The following BAZ2A variants were observed in gnomAD, a reference collection of about 807,000 sequenced individuals.
BAZ2A encodes the protein bromodomain adjacent to zinc finger domain 2A, also known as bromodomain adjacent to zinc finger domain protein 2A.
BAZ2A carries 34 observed loss-of-function variants against 199.9 expected under a neutral mutation model. The ratio of observed to expected loss-of-function variants is 0.17; its 90% CI spans 0.13 to 0.23. The LOEUF is 0.23. Among genes scored for constraint, BAZ2A ranks in the 10% least tolerant of loss-of-function variants. The pLI is 1.00. For synonymous variants in BAZ2A, 857 were observed against 883.9 expected (o/e 0.97, Z 0.54); for missense variants, 2,002 against 2,391.1 (o/e 0.84, Z 3.39).
chr12:56,626,019 C>T (rs1951088058), intron 1 of BAZ2A, among the ~76,000 whole-genome samples: 1 of 152,056 alleles, frequency 6.6e-6, no homozygotes, highest in South Asian at 2.1e-4. Flanking sequence ...AAACACTAAG[C>T]CAATGCTACT....
intron 1 of BAZ2A, chr12:56,621,305 G>A (rs937647596): frequency 4.6e-5 from 44 of 954,122 alleles, no homozygotes; most frequent in Non-Finnish European, 5.2e-5. Context: ...ACAACATGTC[G>A]ATGGCTCACA....
rs750011501 is a variant in BAZ2A, at chr12:56,614,088, G to C, written c.781C>G (p.His261Asp). The change falls in exon 4 of 29, where the codon CAC (histidine) becomes GAC (aspartate). Residue 261 changes from histidine to aspartate, a missense_variant. This residue lies in a region of BAZ2A where 641 missense variants were observed against 694.5 expected (regional missense o/e 0.92). Coordinates refer to ENST00000549884, the MANE Select transcript of BAZ2A (RefSeq NM_001300905.2). ...GGGACCAGGACTGAGACCTCTTGGT[G>C]TAACGATTCCACAGAAGGGACAGAG... ...NGSVPSVESL[H>D]QEVSVLVPDP... The C allele has an allele frequency of 1.2e-6, 2 of 1,614,008 alleles. No homozygotes were observed. The highest frequency in any genetic ancestry group is 1.7e-5 in the Admixed American group (1 of 60,026).
intron 3 of BAZ2A, chr12:56,614,808 G>T: frequency 1.6e-6 from 1 of 623,614 alleles, no homozygotes; most frequent in Non-Finnish European, 2.8e-6. Flanking sequence ...GCATGAGCTT[G>T]AAATAATTTG....
Position 56,602,777 on chromosome 12 carries a change from T to G in BAZ2A, c.3360A>C (p.Arg1120Ser). 6.2e-7 allele frequency: 1 copy of G among 1,613,898 alleles called. No individual in the cohort carries two copies. The highest frequency in any genetic ancestry group is 8.5e-7 in the Non-Finnish European group (1 of 1,179,858). ...AATACGGCAATACCCAGTAGCGACG[T>G]CTGTAGCGGTCCTGACCCAGGGAGA... ...RAVSLGQDRY[R>S]RRYWVLPYLA... is the part of the protein sequence containing the mutation. Residue 1120 changes from arginine to serine, a missense_variant, in exon 19 of 29, where the codon AGA becomes AGC. By Grantham distance (110) the Arg-to-Ser change is moderately radical. This residue lies in a region of BAZ2A where 1,081 missense variants were observed against 1,274.7 expected (regional missense o/e 0.85). Coordinates refer to ENST00000549884, the MANE Select transcript of BAZ2A (RefSeq NM_001300905.2).
chr12:56,630,457 T>C (rs1951277567), upstream of BAZ2A: 2 of 228,006 alleles, frequency 8.8e-6, no homozygotes, highest in South Asian at 1.6e-4. Flanking sequence ...CCGCTGTGCC[T>C]CCTGCAACTC....
Position 56,595,973 on chromosome 12 carries a change from C to G in BAZ2A, c.*2645G>C, listed in dbSNP as rs1195397839. 1.3e-5 allele frequency: 2 copies of G among 152,638 alleles called. No homozygotes were observed. Among genetic ancestry groups the G allele is most frequent in the Non-Finnish European group, 2.9e-5 (2 of 68,040 alleles). The allele number at this position is 152,638 out of a possible 1,614,324, so 9.5% of individuals were successfully genotyped here. ...TTTTTTATTCAACAACTGACAAGCA[C>G]TTTTCTACAGCTGCACTTGTGGAAC... On this transcript the variant is annotated 3_prime_UTR_variant, in exon 29 of 29. Transcript: ENST00000549884.
chr12:56,623,060 C>A (rs557725823), intron 1 of BAZ2A, among the ~76,000 whole-genome samples: 41 of 151,972 alleles, frequency 2.7e-4, no homozygotes, highest in Non-Finnish European at 5.0e-4. Context: ...CACGGTGAAA[C>A]CCTGTCTCTA....
exon 1 of BAZ2A, chr12:56,636,315 G>C: frequency 1.3e-6 from 2 of 1,501,734 alleles, no homozygotes; most frequent in South Asian, 2.5e-5. Context: ...CAAAAAGCCA[G>C]TGTATGCTTC....
chr12:56,637,030 T>A (rs1479627872), upstream of BAZ2A, among the ~76,000 whole-genome samples: 3 of 152,222 alleles, frequency 2.0e-5, no homozygotes. Context: ...AGCTTCTACC[T>A]AACTTGATGG....
intron 13 of BAZ2A, 179 bp from the exon 14 acceptor site, chr12:56,605,506 C>T (rs1950317537): frequency 4.2e-6 from 3 of 714,920 alleles, no homozygotes; most frequent in Non-Finnish European, 6.6e-6. Context: ...ACTGCAGCCT[C>T]GACCTCCTAA....
rs370378660 is a variant in BAZ2A at position 56,599,874 on chromosome 12, A to G, written c.5026-26T>C. ...CTGGACCAAGGTTGTGAGGAGGCAG[A>G]ATGAGCTCTCCAGCCTCTACCTGCC... is the stretch of plus-strand genomic sequence containing the variant. On this transcript the variant is annotated intron_variant, in intron 25 of 28. Transcript: ENST00000549884. The G allele has an allele frequency of 3.7e-6, 6 of 1,613,834 alleles. No homozygotes were observed. The African/African-American group carries it at 5.3e-5, about 14-fold the overall frequency.
rs1173514050 is a variant in BAZ2A, at chr12:56,598,858, A to G, written c.5546+10T>C. 2 of 1,606,860 alleles carry G rather than the reference A, an allele frequency of 1.2e-6. No homozygotes were observed. The highest frequency in any genetic ancestry group is 1.3e-5 in the African/African-American group (1 of 74,834). The stretch of plus-strand genomic sequence containing the variant: ...AGCAAAGACCGGGCGGTTCACCCAC[A>G]TCTACTTACCCTCCCCTGAGCAGCC... On this transcript the variant is annotated intron_variant, in intron 28 of 28. Coordinates refer to ENST00000549884, the MANE Select transcript of BAZ2A (RefSeq NM_001300905.2).
rs1320065434 is a variant in BAZ2A, at chr12:56,615,308, C to G, written c.436G>C (p.Glu146Gln). Residue 146 changes from glutamate (E) to glutamine (Q), a missense_variant, in exon 3 of 29, where the codon GAG becomes CAG. Physicochemically the swap from Glu to Gln is conservative, Grantham distance 29 (BLOSUM62 2). Transcript: ENST00000549884. ...CTCTGGGTACCGTTGGCCCAGAACTCTTGGCTCCCAGCCCGAAGGTTAGTG... is the reference window on the plus strand; with the variant it reads ...CTCTGGGTACCGTTGGCCCAGAACTGTTGGCTCCCAGCCCGAAGGTTAGTG... Reference protein sequence around the residue: ...HNTNLRAGSQEFWANGTQSPM... With the variant: ...HNTNLRAGSQQFWANGTQSPM... 1.2e-6 allele frequency: 2 copies of G among 1,613,826 alleles called. No homozygotes were observed. The highest frequency in any genetic ancestry group is 1.7e-6 in the Non-Finnish European group (2 of 1,179,890).
At position 56,601,632 on chromosome 12, in the gene BAZ2A, G is replaced by C. The variant is rs1322576064; in HGVS notation, c.3985C>G (p.Pro1329Ala). Residue 1329 changes from proline to alanine, a missense_variant, in exon 20 of 29, where the codon CCC (proline) becomes GCC (alanine). This residue lies in a region of BAZ2A where 1,081 missense variants were observed against 1,274.7 expected (regional missense o/e 0.85). Coordinates refer to ENST00000549884, the MANE Select transcript of BAZ2A (RefSeq NM_001300905.2). ...ALWFNISAQM[P>A]CNAAPTPPPA... Reference sequence around the variant, plus strand: ...GGCGGTGTGGGGGCAGCATTGCAGGGCATCTGGGCTGAGATGTTAAACCAG... The same window carrying C: ...GGCGGTGTGGGGGCAGCATTGCAGGCCATCTGGGCTGAGATGTTAAACCAG... 6.2e-7 allele frequency: 1 copy of C among 1,613,870 alleles called. No individual in the cohort carries two copies. Among genetic ancestry groups the C allele is most frequent in the African/African-American group, 1.3e-5 (1 of 74,912 alleles).
rs542995835 is a variant in BAZ2A, at chr12:56,635,798, A to T, written c.4+384T>A. ...TAGAAAAATGAGAGGGAGGGGAGGCATTTTAAAGACCTTCCAGCACTGCCA... is the reference window on the plus strand; with the variant it reads ...TAGAAAAATGAGAGGGAGGGGAGGCTTTTTAAAGACCTTCCAGCACTGCCA... On this transcript the variant is annotated intron_variant, in intron 1 of 29. Transcript: ENST00000379441. This position sits in a 1 kb window ranked among gnomAD's most constrained non-coding sequence, Gnocchi z 4.1. Among the ~76,000 whole-genome samples, 6 of 152,254 alleles carry T rather than the reference A, an allele frequency of 3.9e-5. No homozygotes were observed. In the South Asian group the frequency reaches 1.0e-3, roughly 26 times the overall value.
chr12:56,604,515 A>C, intron 15 of BAZ2A, 70 bp downstream of exon 15: 4 of 1,468,088 alleles, frequency 2.7e-6, no homozygotes, highest in Non-Finnish European at 3.7e-6. Flanking sequence ...GGACTTCTGG[A>C]AGGCTACAAG....
chr12:56,605,478 G>A, intron 13 of BAZ2A, 151 bp from the exon 14 acceptor site: 1 of 866,580 alleles, frequency 1.2e-6, no homozygotes, highest in Non-Finnish European at 1.7e-6. Flanking sequence ...CTGGAGTGCA[G>A]TGGCATGATC....
intron 1 of BAZ2A, chr12:56,636,113 C>G: frequency 6.6e-7 from 1 of 1,510,462 alleles, no homozygotes; most frequent in Non-Finnish European, 9.0e-7. Context: ...AGGCCCCACC[C>G]CTGCTGAGTC....
upstream of BAZ2A, among the ~76,000 whole-genome samples, chr12:56,632,674 A>G (rs866335900): frequency 8.5e-5 from 13 of 152,258 alleles, no homozygotes; most frequent in South Asian, 4.1e-4. Flanking sequence ...TTGGGATTAG[A>G]AAAGAAAATG....
Sources: gnomAD v4.1 joint callset for allele counts (sites outside exome capture counted in the v4.1 genomes callset) on GRCh38, gnomAD v4.1.1 for gene constraint, gnomAD v4.1.1 regional missense constraint, Gnocchi (gnomAD v3.1) non-coding constraint, MANE v1.5 for transcripts, NCBI Gene and HGNC (gene_info 2026-07-23, HGNC 2026-07-21) for gene names.